Variants in LIM2 observed in about 807,000 individuals in gnomAD.
The protein encoded by LIM2 is lens intrinsic membrane protein 2, also known as lens fiber membrane intrinsic protein.
A neutral mutation model predicts 19.0 loss-of-function variants in LIM2; 14 were observed. The observed-to-expected ratio is 0.74, with a 90% CI of 0.49 to 1.15. The LOEUF is 1.15. LIM2 is among the 50% of genes most tolerant of loss of function. The pLI, the probability that LIM2 is intolerant of heterozygous loss-of-function variation, is 0.00. For synonymous variants in LIM2, 78 were observed against 89.6 expected, an observed-to-expected ratio of 0.87 and a Z score of 0.73; for missense variants, 230 against 243.5, an observed-to-expected ratio of 0.94 and a Z score of 0.37.
intron 2 of LIM2, among the ~76,000 whole-genome samples, chr19:51,385,591 C>T (rs1056362555): frequency 6.6e-6 from 1 of 152,130 alleles, no homozygotes; most frequent in African/African-American, 2.4e-5. Context: ...CTCCCTGTCT[C>T]CTGCATCCCT....
At chr19:51,383,990 T>G (rs1271042315) in intron 2 of LIM2, among the ~76,000 whole-genome samples, 1 of 152,260 alleles carries the variant, frequency 6.6e-6, no homozygotes, top group Non-Finnish European at 1.5e-5. Context: ...ATGGATTTTA[T>G]GGGTTATGCC....
intron 1 of LIM2, 125 bp from the exon 2 acceptor site, chr19:51,387,574 C>A: frequency 7.2e-7 from 1 of 1,384,636 alleles, no homozygotes; most frequent in Non-Finnish European, 9.9e-7. Context: ...GAGACCTAGA[C>A]GCCTGGGTCC....
At chr19:51,380,411 T>C (rs745590865) in intron 4 of LIM2, 94 bp downstream of exon 4, 20 of 1,594,126 alleles carry the variant, frequency 1.3e-5, no homozygotes, top group Non-Finnish European at 1.6e-5. Flanking sequence ...GACCCAGTGC[T>C]GTGGGACTCA....
At chr19:51,384,238 C>T (rs1326232127) in intron 2 of LIM2, among the ~76,000 whole-genome samples, 1 of 152,058 alleles carries the variant, frequency 6.6e-6, no homozygotes, top group Non-Finnish European at 1.5e-5. Flanking sequence ...TGAGACCAGC[C>T]TAGCCAAAAT....
intron 2 of LIM2, among the ~76,000 whole-genome samples, chr19:51,386,066 C>T (rs141829645): frequency 1.3e-5 from 2 of 152,118 alleles, no homozygotes; most frequent in African/African-American, 2.4e-5. Flanking sequence ...TCAATCAATG[C>T]CAGTTATTAT....
chr19:51,380,269 GAGA>G lies in LIM2; in HGVS notation c.461-10_461-8del, dbSNP rs778718060. The G allele has an allele frequency of 1.3e-5, 21 of 1,613,148 alleles. No individual in the cohort carries two copies. Among genetic ancestry groups the G allele is most frequent in the South Asian group, 1.1e-4 (10 of 90,952 alleles). ...GCGCACATGTAGAAAATCCCTGCATGAGAAGAAGTTCAAATTCACCCCCTCAAA... is the reference window on the plus strand; with the variant it reads ...GCGCACATGTAGAAAATCCCTGCATGAGAAGTTCAAATTCACCCCCTCAAA... On this transcript the variant is annotated splice_polypyrimidine_tract_variant and splice_region_variant and intron_variant, in intron 4 of 4. Coordinates refer to ENST00000596399, the MANE Select transcript of LIM2 (RefSeq NM_001161748.2).
chr19:51,380,744 G>GGGT (rs1277556239), intron 3 of LIM2, 105 bp from the exon 4 acceptor site: 38 of 1,350,228 alleles, frequency 2.8e-5, no homozygotes, highest in Non-Finnish European at 3.7e-5. Flanking sequence ...TTGGGGAAAG[G>GGGT]GGTGGAAATG....
chr19:51,383,425 AG>A (rs1223768772), intron 2 of LIM2, among the ~76,000 whole-genome samples: 1 of 152,208 alleles, frequency 6.6e-6, no homozygotes, highest in Non-Finnish European at 1.5e-5. Flanking sequence ...GTCTCTCCTC[AG>A]TAAATCCTTA....
chr19:51,387,115 C>T (rs1987079771), intron 2 of LIM2, 154 bp downstream of exon 2: 1 of 1,412,336 alleles, frequency 7.1e-7, no homozygotes, highest in Non-Finnish European at 1.0e-6. Context: ...CCTGTAGTCC[C>T]AGTTCTGCCC....
At chr19:51,387,491 G>C (rs2547308) in intron 1 of LIM2, 42 bp from the exon 2 acceptor site, 1 of 1,610,190 alleles carries the variant, frequency 6.2e-7, no homozygotes, top group Non-Finnish European at 8.5e-7. Flanking sequence ...CTGAATTCCC[G>C]GGACTTGAAG....
At chr19:51,387,567 A>C (rs1987108699) in intron 1 of LIM2, 118 bp from the exon 2 acceptor site, 1 of 1,433,376 alleles carries the variant, frequency 7.0e-7, no homozygotes, top group Non-Finnish European at 9.5e-7. Context: ...GGAGATGGAG[A>C]CCTAGACGCC....
chr19:51,381,592 C>G (rs948843566), intron 3 of LIM2, among the ~76,000 whole-genome samples: 1 of 152,178 alleles, frequency 6.6e-6, no homozygotes, highest in African/African-American at 2.4e-5. Flanking sequence ...ATTTTGGGCT[C>G]TCCTAGACTC....
chr19:51,385,030 T>G (rs556642439), intron 2 of LIM2, among the ~76,000 whole-genome samples: 36 of 151,954 alleles, frequency 2.4e-4, no homozygotes, highest in Non-Finnish European at 3.2e-4. Flanking sequence ...GCCCAGCTAA[T>G]TTTTTATTTT....
At chr19:51,384,860 T>C (rs908031177) in intron 2 of LIM2, among the ~76,000 whole-genome samples, 1 of 151,526 alleles carries the variant, frequency 6.6e-6, no homozygotes, top group Admixed American at 6.6e-5. Context: ...GATTATTTAT[T>C]TTATCTTATT....
At chr19:51,382,905 A>G (rs1376840403) in intron 2 of LIM2, among the ~76,000 whole-genome samples, 1 of 151,734 alleles carries the variant, frequency 6.6e-6, no homozygotes, top group African/African-American at 2.4e-5. Context: ...CACCCCCACC[A>G]CACATTTGGT....
chr19:51,383,958 A>G (rs1986966153), intron 2 of LIM2, among the ~76,000 whole-genome samples: 1 of 152,202 alleles, frequency 6.6e-6, no homozygotes, highest in Admixed American at 6.5e-5. Context: ...CCTCGGTGAG[A>G]GAAATTCCTG....
At chr19:51,383,579 G>C (rs1568481212) in intron 2 of LIM2, among the ~76,000 whole-genome samples, 1 of 152,100 alleles carries the variant, frequency 6.6e-6, no homozygotes, top group Non-Finnish European at 1.5e-5. Flanking sequence ...CTTTGCCCAG[G>C]GATGGCCCCT....
chr19:51,387,879 T>C (rs889678186), intron 1 of LIM2, 40 bp downstream of exon 1: 4 of 212,062 alleles, frequency 1.9e-5, no homozygotes, highest in African/African-American at 9.3e-5. Context: ...TCCTGGGACT[T>C]GGGGAAGAGG....
chr19:51,384,611 A>G (rs957992648), intron 2 of LIM2, among the ~76,000 whole-genome samples: 18 of 152,204 alleles, frequency 1.2e-4, no homozygotes, highest in Non-Finnish European at 1.8e-4. Flanking sequence ...AGGGAGGGAC[A>G]TGGAACAGAT....
Sources: gnomAD v4.1 joint callset for allele counts (sites outside exome capture counted in the v4.1 genomes callset) on GRCh38, gnomAD v4.1.1 for gene constraint, MANE v1.5 for transcripts, NCBI Gene and HGNC (gene_info 2026-07-23, HGNC 2026-07-21) for gene names.